CTNS: variants seen among roughly 807,000 people sequenced by gnomAD.
CTNS encodes the protein cystinosin, lysosomal cystine transporter, also known as cystinosin.
CTNS carries 27 observed loss-of-function variants against 43.7 expected under a neutral mutation model. The ratio of observed to expected loss-of-function variants is 0.62; its 90% confidence interval spans 0.46 to 0.85. CTNS has a LOEUF of 0.85. Among genes scored for constraint, CTNS ranks in the 40% least tolerant of loss-of-function variants. The pLI is 0.00. For synonymous variants in CTNS, 187 were observed against 190.6 expected, an observed-to-expected ratio of 0.98 and a Z score of 0.16; for missense variants, 457 against 475.4, an observed-to-expected ratio of 0.96 and a Z score of 0.36.
chr17:3,637,955 C>G (rs572648480), intron 2 of CTNS, among the ~76,000 whole-genome samples: 1 of 152,138 alleles, frequency 6.6e-6, no homozygotes, highest in African/African-American at 2.4e-5. Context: ...GCAGGAGACC[C>G]AGGGAGTTCC....
intron 2 of CTNS, among the ~76,000 whole-genome samples, chr17:3,639,922 GA>G (rs1350981636): frequency 1.3e-5 from 2 of 152,242 alleles, no homozygotes; most frequent in Non-Finnish European, 2.9e-5. Context: ...ATTGAAGAGG[GA>G]AAAATTCTGG....
At position 3,661,270 on chromosome 17, in the gene CTNS, C is replaced by T. The variant is rs962148508; in HGVS notation, c.*901C>T. On this transcript the variant is annotated 3_prime_UTR_variant, in exon 12 of 12. Transcript: ENST00000046640. ...GGCCCCTTCCCTCTCTTTCCCCAGA[C>T]ACCTACTTGAGACTCACCAATTTCT... 2.1e-5 allele frequency: 4 copies of T among 192,816 alleles called. No homozygotes were observed. In the East Asian group the frequency reaches 5.0e-4, roughly 24 times the overall value. The allele number at this position is 192,816 out of a possible 1,614,324, so 11.9% of individuals were successfully genotyped here.
At chr17:3,637,465 AT>A (rs140194982) in intron 2 of CTNS, 149 bp downstream of exon 2, 57,329 of 144,288 alleles carry the variant, frequency 0.4, 11,460 homozygotes, top group African/African-American at 0.5. Flanking sequence ...CCCCAAGCCA[AT>A]TTTTTTTTTT....
chr17:3,641,609 T>C (rs2075710111), intron 3 of CTNS, among the ~76,000 whole-genome samples: 1 of 151,524 alleles, frequency 6.6e-6, no homozygotes, highest in African/African-American at 2.4e-5. Flanking sequence ...GCCAGGCTGG[T>C]TTTGAGCTCC....
chr17:3,640,874 G>A (rs562671695), intron 3 of CTNS, among the ~76,000 whole-genome samples: 3 of 152,196 alleles, frequency 2.0e-5, no homozygotes, highest in South Asian at 4.2e-4. Flanking sequence ...ACTGCACTCC[G>A]GCCTGGGCAA....
In CTNS at chr17:3,660,876, C is replaced by T; in HGVS notation, c.*507C>T. ...GGGGTTAGGCCATGGGGCTCTTTCT[C>T]TGAAGGCCACTTTCCTGACGTACTC... On this transcript the variant is annotated 3_prime_UTR_variant, in exon 12 of 12. Transcript: ENST00000046640. The T allele has an allele frequency of 8.0e-7, 1 of 1,245,406 alleles. No individual in the cohort carries two copies. Among genetic ancestry groups the T allele is most frequent in the South Asian group, 1.3e-5 (1 of 77,814 alleles). 77.1% of individuals were successfully genotyped at this position (1,245,406 alleles called of 1,614,324 possible). A position where few individuals can be genotyped will look rare whatever the true frequency, so the allele number is the denominator to read the frequency against.
chr17:3,659,365 G>A (rs1490213383), intron 10 of CTNS, among the ~76,000 whole-genome samples: 1 of 152,224 alleles, frequency 6.6e-6, no homozygotes, highest in Non-Finnish European at 1.5e-5. Context: ...CTACAGACGG[G>A]GAAACCAAGG....
intron 5 of CTNS, chr17:3,650,078 G>A: frequency 6.8e-7 from 1 of 1,468,028 alleles, no homozygotes; most frequent in Non-Finnish European, 9.1e-7. Flanking sequence ...TAATTAGCTT[G>A]ATTTAGTCAT....
chr17:3,649,170 CG>C (rs2075914426), intron 5 of CTNS, among the ~76,000 whole-genome samples: 1 of 152,148 alleles, frequency 6.6e-6, no homozygotes, highest in Non-Finnish European at 1.5e-5. Flanking sequence ...ACGTTCTTAC[CG>C]GGAGTGGTGG....
Position 3,660,729 on chromosome 17 carries a change from G to A in CTNS, c.*360G>A. The A allele has an allele frequency of 1.9e-6, 3 of 1,613,474 alleles. No individual in the cohort carries two copies. The highest frequency in any genetic ancestry group is 1.6e-4 in the Middle Eastern group (1 of 6,062). On this transcript the variant is annotated 3_prime_UTR_variant, in exon 12 of 12. Transcript: ENST00000046640. ...CAGCGTTTCTGCAAGCAGCTTGAAGGGCTGACCTTGCAGCCGGGTGAGCCA... is the reference window on the plus strand; with the variant it reads ...CAGCGTTTCTGCAAGCAGCTTGAAGAGCTGACCTTGCAGCCGGGTGAGCCA...
At position 3,660,248 on chromosome 17, in the gene CTNS, T is replaced by C; in HGVS notation, c.983T>C (p.Leu328Pro). ...CGGCTGCTAACAGACCAGTGGACGC[T>C]GATCTTCGGAGACCCAACCAAGTTT... ...LQSYNNDQWTLIFGDPTKFGL... is the reference protein window; with the variant it reads ...LQSYNNDQWTPIFGDPTKFGL... The change falls in exon 12 of 12, where the codon CTG (leucine) becomes CCG (proline). Residue 328 changes from leucine to proline, a missense_variant. Coordinates refer to ENST00000046640, the MANE Select transcript of CTNS (RefSeq NM_004937.3). 2 of 1,614,244 alleles carry C rather than the reference T, an allele frequency of 1.2e-6. No individual in the cohort carries two copies. The highest frequency in any genetic ancestry group is 1.1e-5 in the South Asian group (1 of 91,086).
chr17:3,641,359 CATATAT>C (rs1234064483), intron 3 of CTNS, among the ~76,000 whole-genome samples: 6 of 21,104 alleles, frequency 2.8e-4, no homozygotes, highest in South Asian at 1.6e-3. Context: ...AAATCAGATA[CATATAT>C]ATATATATAT....
intron 5 of CTNS, among the ~76,000 whole-genome samples, chr17:3,654,319 C>G (rs1001898011): frequency 2.0e-5 from 3 of 152,166 alleles, no homozygotes; most frequent in Non-Finnish European, 4.4e-5. Context: ...AGAGCCATCC[C>G]TCCTTCCCTC....
intron 3 of CTNS, among the ~76,000 whole-genome samples, chr17:3,644,848 ACCT>A (rs1363732716): frequency 6.6e-6 from 1 of 152,024 alleles, no homozygotes; most frequent in Non-Finnish European, 1.5e-5. Context: ...TGATCCACCT[ACCT>A]CGGCCTCCCA....
rs1446628113 is a variant in CTNS at position 3,657,482 on chromosome 17, A to G, written c.682-523A>G. The G allele has an allele frequency of 1.9e-5, 4 of 209,072 alleles. No homozygotes were observed. The East Asian group carries it at 4.7e-4, about 24-fold the overall frequency. The allele number at this position is 209,072 out of a possible 1,614,324, so 13.0% of individuals were successfully genotyped here. ...CTGGGGGCTGTCTGGCCCCACCCGT[A>G]TGAACCTTCTAGGCTTTCTTAGCTT... On this transcript the variant is annotated intron_variant, in intron 9 of 11. Coordinates refer to ENST00000046640, the MANE Select transcript of CTNS (RefSeq NM_004937.3).
At chr17:3,647,594 C>T in intron 4 of CTNS, 72 bp downstream of exon 4, 1 of 1,337,904 alleles carries the variant, frequency 7.5e-7, no homozygotes. Flanking sequence ...TGACCCCTGG[C>T]TCAGTCTGTT....
chr17:3,658,402 C>T (rs559836389), intron 10 of CTNS, among the ~76,000 whole-genome samples: 2 of 152,340 alleles, frequency 1.3e-5, no homozygotes, highest in East Asian at 1.9e-4. Flanking sequence ...TTGGACCCCA[C>T]GCTCCCCTAA....
At chr17:3,642,151 G>A (rs1390557746) in intron 3 of CTNS, among the ~76,000 whole-genome samples, 7 of 65,592 alleles carry the variant, frequency 1.1e-4, no homozygotes, top group Admixed American at 1.0e-3. Flanking sequence ...GCGTGTGTGT[G>A]TGTGTGTGTG....
At chr17:3,654,322 C>T (rs1013403659) in intron 5 of CTNS, among the ~76,000 whole-genome samples, 2 of 152,196 alleles carry the variant, frequency 1.3e-5, no homozygotes, top group Non-Finnish European at 2.9e-5. Context: ...GCCATCCCTC[C>T]TTCCCTCAGA....
Sources: allele counts gnomAD v4.1 joint callset (sites outside exome capture counted in the v4.1 genomes callset), GRCh38; gene constraint gnomAD v4.1.1; transcripts MANE v1.5; gene names NCBI Gene and HGNC (gene_info 2026-07-23, HGNC 2026-07-21).